PDE7B: variants seen among roughly 807,000 people sequenced by gnomAD.
PDE7B encodes 3',5'-cyclic-AMP phosphodiesterase 7B.
In PDE7B, 29 loss-of-function variants were observed where a neutral mutation model predicts 56.2. That is an observed-to-expected ratio of 0.52 (90% confidence interval 0.38 to 0.70). The LOEUF (loss-of-function observed/expected upper bound fraction) is 0.70. PDE7B is among the 30% of genes least tolerant of loss of function. The pLI is 0.00. For missense variants in PDE7B, 490 were observed against 565.0 expected, an observed-to-expected ratio of 0.87 and a Z score of 1.35; for synonymous variants, 197 against 196.9, an observed-to-expected ratio of 1.00 and a Z score of 0.00.
chr6:135,961,253 A>ATGTGTGTGTGTGTGTGTGTGTGTG (rs1774893198), intron 2 of PDE7B, among the ~76,000 whole-genome samples: 3 of 144,828 alleles, frequency 2.1e-5, no homozygotes, highest in African/African-American at 8.3e-5. Context: ...CATAGAGTGT[A>ATGTGTGTGTGTGTGTGTGTGTGTG]TATGTGTGTG....
chr6:136,070,188 C>T (rs1190315959), intron 2 of PDE7B: 1 of 149,320 alleles, frequency 6.7e-6, no homozygotes, highest in African/African-American at 2.5e-5. Context: ...TTTTAAGAAA[C>T]AGCTACTTAA....
At position 136,143,969 on chromosome 6, in the gene PDE7B, G is replaced by A. The variant is rs530476079; in HGVS notation, c.167-3382G>A. ...TTATATAAATATAGGTATACTCTCA[G>A]CTACATAAGACATTTTCTTTTAGTA... is the stretch of plus-strand genomic sequence containing the variant. On this transcript the variant is annotated intron_variant, in intron 3 of 12. Coordinates refer to ENST00000308191, the MANE Select transcript of PDE7B (RefSeq NM_018945.4). Among the ~76,000 whole-genome samples the A allele has an allele frequency of 7.9e-5, 12 of 151,854 alleles. 1 individual carries two copies. The South Asian group carries it at 2.5e-3, about 32-fold the overall frequency.
intron 2 of PDE7B, among the ~76,000 whole-genome samples, chr6:136,039,105 A>T (rs1177747775): frequency 2.0e-5 from 3 of 152,118 alleles, no homozygotes; most frequent in Admixed American, 6.5e-5. Flanking sequence ...ACCTTTATTG[A>T]TATCAACTCA....
At chr6:135,998,083 A>G (rs17065195) in intron 2 of PDE7B, among the ~76,000 whole-genome samples, 7,464 of 152,306 alleles carry the variant, frequency 0.049, 557 homozygotes, top group African/African-American at 0.16. Context: ...TAAGACTCCT[A>G]TAATTAACTG....
chr6:136,099,348 C>T (rs1290567145), intron 2 of PDE7B, among the ~76,000 whole-genome samples: 1 of 152,186 alleles, frequency 6.6e-6, no homozygotes, highest in Non-Finnish European at 1.5e-5. Context: ...GAGGAATCGC[C>T]ACACTGTCCT....
At chr6:135,869,708 C>T (rs1193478513) in intron 1 of PDE7B, among the ~76,000 whole-genome samples, 1 of 152,144 alleles carries the variant, frequency 6.6e-6, no homozygotes, top group Non-Finnish European at 1.5e-5. Context: ...GGAGACTTGG[C>T]TCCATAGCCA....
rs1031071802 is a variant in PDE7B at position 136,024,319 on chromosome 6, C to T, written c.82+76795C>T. 3.9e-5 allele frequency among the ~76,000 whole-genome samples: 6 copies of T among 152,298 alleles called. No homozygotes were observed. The South Asian group carries it at 8.3e-4, about 21-fold the overall frequency. Reference sequence around the variant, plus strand: ...ATAGTGAGGTAAAGGGCCCAGCAGCCGATCGCCTCCAGGGGCTAGAATTCA... The same window carrying T: ...ATAGTGAGGTAAAGGGCCCAGCAGCTGATCGCCTCCAGGGGCTAGAATTCA... On this transcript the variant is annotated intron_variant, in intron 2 of 12. Transcript: ENST00000308191.
intron 2 of PDE7B, among the ~76,000 whole-genome samples, chr6:135,953,821 G>A (rs148021882): frequency 7.2e-5 from 11 of 152,232 alleles, no homozygotes; most frequent in African/African-American, 2.6e-4. Flanking sequence ...GACTTAACAA[G>A]TAAAGACTGT....
chr6:135,957,166 A>G (rs944989979), intron 2 of PDE7B, among the ~76,000 whole-genome samples: 4 of 152,172 alleles, frequency 2.6e-5, no homozygotes, highest in Admixed American at 6.5e-5. Context: ...CCGGCCAGGC[A>G]GAGCTGGAAG....
chr6:135,921,905 C>T (rs762336781), intron 1 of PDE7B, among the ~76,000 whole-genome samples: 4 of 151,980 alleles, frequency 2.6e-5, no homozygotes, highest in Non-Finnish European at 5.9e-5. Context: ...AAAGCATCCC[C>T]AAAACAATGA....
At chr6:136,024,193 G>A (rs1319522847) in intron 2 of PDE7B, among the ~76,000 whole-genome samples, 1 of 152,160 alleles carries the variant, frequency 6.6e-6, no homozygotes, top group African/African-American at 2.4e-5. Flanking sequence ...AAAAAATAAT[G>A]TTCATCCATG....
intron 1 of PDE7B, among the ~76,000 whole-genome samples, chr6:135,938,599 C>T (rs1424148378): frequency 6.6e-6 from 1 of 152,130 alleles, no homozygotes; most frequent in African/African-American, 2.4e-5. Context: ...AGGCTATAGT[C>T]GTTTTGCACA....
At chr6:135,877,157 A>G (rs555554116) in intron 1 of PDE7B, among the ~76,000 whole-genome samples, 1 of 152,142 alleles carries the variant, frequency 6.6e-6, no homozygotes, top group South Asian at 2.1e-4. Context: ...GTAATCTGCA[A>G]CCTGCTTGTT....
At chr6:135,947,831 A>G (rs1774618881) in intron 2 of PDE7B, among the ~76,000 whole-genome samples, 1 of 152,126 alleles carries the variant, frequency 6.6e-6, no homozygotes, top group Admixed American at 6.6e-5. Context: ...GGTAAGAACC[A>G]TGTTGTAATT....
chr6:136,156,999 T>C (rs1003539390), intron 8 of PDE7B, among the ~76,000 whole-genome samples: 2 of 152,206 alleles, frequency 1.3e-5, no homozygotes, highest in African/African-American at 4.8e-5. Context: ...GCCTTTGATG[T>C]AGTATATTAT....
chr6:136,025,401 A>G (rs933438971), intron 2 of PDE7B, among the ~76,000 whole-genome samples: 8 of 152,238 alleles, frequency 5.3e-5, no homozygotes, highest in African/African-American at 1.7e-4. Context: ...CACTAGGTTT[A>G]GTAGGTCAAA....
At chr6:136,058,511 G>T (rs1003908856) in intron 2 of PDE7B, among the ~76,000 whole-genome samples, 1 of 152,132 alleles carries the variant, frequency 6.6e-6, no homozygotes, top group Non-Finnish European at 1.5e-5. Flanking sequence ...TAAGAAAAAA[G>T]AATACCTGGT....
chr6:136,102,375 C>G (rs1332088089), intron 2 of PDE7B, among the ~76,000 whole-genome samples: 1 of 152,164 alleles, frequency 6.6e-6, no homozygotes, highest in Non-Finnish European at 1.5e-5. Context: ...GTGCCAGGCA[C>G]TGTGCTAAGC....
chr6:136,024,333 G>A (rs1188894427), intron 2 of PDE7B, among the ~76,000 whole-genome samples: 1 of 152,060 alleles, frequency 6.6e-6, no homozygotes, highest in East Asian at 1.9e-4. Flanking sequence ...CGCCTCCAGG[G>A]GCTAGAATTC....
Sources: allele counts gnomAD v4.1 joint callset (sites outside exome capture counted in the v4.1 genomes callset), GRCh38; gene constraint gnomAD v4.1.1; transcripts MANE v1.5; gene names NCBI Gene and HGNC (gene_info 2026-07-23, HGNC 2026-07-21).